Variants in NINJ2 observed in about 807,000 individuals in gnomAD.
NINJ2 encodes the protein ninjurin-2.
In NINJ2, 12 loss-of-function variants were observed where a neutral mutation model predicts 11.7. That is an observed-to-expected ratio of 1.02 (90% CI 0.66 to 1.66). NINJ2 has a LOEUF of 1.66. Ranked by LOEUF, NINJ2 falls within the 40% of genes most tolerant of loss-of-function variation. The pLI is 0.00. For missense variants in NINJ2, 187 were observed against 181.8 expected, an observed-to-expected ratio of 1.03 and a Z score of -0.16; for synonymous variants, 93 against 76.8, an observed-to-expected ratio of 1.21 and a Z score of -1.10.
chr12:631,318 T>G (rs1207446892), intron 1 of NINJ2, among the ~76,000 whole-genome samples: 2 of 152,182 alleles, frequency 1.3e-5, no homozygotes, highest in Non-Finnish European at 1.5e-5. Context: ...ATCTGCGAAT[T>G]TACTCACCTG....
At chr12:643,384 T>C in intron 1 of NINJ2, 1 of 942,494 alleles carries the variant, frequency 1.1e-6, no homozygotes, top group Non-Finnish European at 1.3e-6. Flanking sequence ...GAGGAAAGGG[T>C]CGCAGCTGCA....
intron 1 of NINJ2, among the ~76,000 whole-genome samples, chr12:658,660 GCTATGCTA>G (rs1937908506): frequency 3.7e-4 from 3 of 8,156 alleles, no homozygotes; most frequent in Non-Finnish European, 9.4e-4. Context: ...GCTATGCTAT[GCTATGCTA>G]TGCTATGCTA....
chr12:566,296 A>G (rs1947300932), intron 1 of NINJ2, 118 bp from the exon 2 acceptor site: 2 of 760,382 alleles, frequency 2.6e-6, no homozygotes, highest in Non-Finnish European at 4.3e-6. Flanking sequence ...AGCTCAGGGC[A>G]AATGACACCC....
intron 1 of NINJ2, among the ~76,000 whole-genome samples, chr12:662,571 T>C (rs1326774941): frequency 6.6e-6 from 1 of 152,208 alleles, no homozygotes; most frequent in East Asian, 1.9e-4. Context: ...TTCCACACTT[T>C]GTTTGATTCT....
At position 579,484 on chromosome 12, in the gene NINJ2, CAAAACAAAACA is replaced by C. The variant is rs374833298; in HGVS notation, c.34-13317_34-13307del. 9.2e-4 allele frequency among the ~76,000 whole-genome samples: 132 copies of C among 143,844 alleles called. 1 individual carries two copies. Among genetic ancestry groups the C allele is most frequent in the African/African-American group, 3.2e-3 (120 of 37,234 alleles). 94.4% of individuals were successfully genotyped at this position (143,844 alleles called of 152,430 possible). On this transcript the variant is annotated intron_variant, in intron 1 of 3. Transcript: ENST00000305108. ...AGTTAAGCTTGGACATGGAGTCACA[CAAAACAAAACA>C]AAAACAAAACAAAACAAACAAAACA...
intron 1 of NINJ2, among the ~76,000 whole-genome samples, chr12:606,140 G>C (rs994027216): frequency 6.6e-6 from 1 of 152,076 alleles, no homozygotes; most frequent in Non-Finnish European, 1.5e-5. Context: ...CCAAAGTGCT[G>C]GGATTACAGG....
intron 1 of NINJ2, chr12:643,805 G>A (rs575133407): frequency 2.3e-6 from 1 of 438,514 alleles, no homozygotes; most frequent in East Asian, 1.6e-4. Flanking sequence ...GCCACTTTTG[G>A]GGGGAATCTT....
chr12:565,963 C>T lies in NINJ2; in HGVS notation c.249G>A (p.Leu83=), dbSNP rs1947292905. 2 of 1,614,058 alleles carry T rather than the reference C, an allele frequency of 1.2e-6. No individual in the cohort carries two copies. The highest frequency in any genetic ancestry group is 1.3e-5 in the African/African-American group (1 of 74,928). ...TGGGCTCCTCACCAATGACCACGAG[C>T]AGGACACCGATGACCACCTGCAGGA... ...SLLLQVVIGV[L]LVVIARLNLN... The change falls in exon 2 of 4, where the codon CTG becomes CTA. Residue 83 remains leucine (L), a synonymous_variant. Coordinates refer to ENST00000305108, the MANE Select transcript of NINJ2 (RefSeq NM_016533.6).
chr12:588,094 G>C (rs1947665577), intron 1 of NINJ2, among the ~76,000 whole-genome samples: 1 of 151,628 alleles, frequency 6.6e-6, no homozygotes, highest in Non-Finnish European at 1.5e-5. Context: ...GTTTCCCCTT[G>C]AAAAAAATTC....
At chr12:648,977 CCTAT>C (rs71051367) in intron 1 of NINJ2, among the ~76,000 whole-genome samples, 911 of 27,922 alleles carry the variant, frequency 0.033, 31 homozygotes, top group East Asian at 0.32. Flanking sequence ...AAGTCATCCA[CCTAT>C]CTATCTATCT....
At chr12:651,051 A>G (rs987988572) in intron 1 of NINJ2, among the ~76,000 whole-genome samples, 3 of 152,186 alleles carry the variant, frequency 2.0e-5, no homozygotes, top group African/African-American at 7.2e-5. Context: ...GAGGCTCAGA[A>G]TGGACAAGTC....
chr12:572,335 G>A (rs1947390054), intron 1 of NINJ2, among the ~76,000 whole-genome samples: 1 of 152,196 alleles, frequency 6.6e-6, no homozygotes, highest in Non-Finnish European at 1.5e-5. Context: ...CTACACACTA[G>A]CAGGCCCAGA....
At chr12:662,033 T>A in intron 1 of NINJ2, among the ~76,000 whole-genome samples, 1 of 152,202 alleles carries the variant, frequency 6.6e-6, no homozygotes, top group East Asian at 1.9e-4. Context: ...TGAGCAGTGC[T>A]ATGAAAGAAA....
intron 1 of NINJ2, among the ~76,000 whole-genome samples, chr12:651,949 T>C (rs1190499529): frequency 6.6e-6 from 1 of 152,080 alleles, no homozygotes; most frequent in Non-Finnish European, 1.5e-5. Flanking sequence ...TCAAGAACTG[T>C]GGGACAACTA....
chr12:627,716 G>C (rs1948225223), intron 1 of NINJ2, among the ~76,000 whole-genome samples: 1 of 152,244 alleles, frequency 6.6e-6, no homozygotes, highest in Non-Finnish European at 1.5e-5. Flanking sequence ...TTTGGGCGCA[G>C]TGACAGGAGC....
chr12:646,322 G>A (rs1937683373), intron 1 of NINJ2, among the ~76,000 whole-genome samples: 1 of 152,162 alleles, frequency 6.6e-6, no homozygotes, highest in Non-Finnish European at 1.5e-5. Flanking sequence ...CCCCTTGAGG[G>A]CCTGAAAGCA....
intron 1 of NINJ2, among the ~76,000 whole-genome samples, chr12:617,451 G>A (rs1246050213): frequency 6.6e-6 from 1 of 152,180 alleles, no homozygotes; most frequent in African/African-American, 2.4e-5. Flanking sequence ...TCTGCCTCCA[G>A]ACCTGCCTCC....
At chr12:565,641 G>A (rs1383040198) in intron 2 of NINJ2, 1 of 611,028 alleles carries the variant, frequency 1.6e-6, no homozygotes, top group Non-Finnish European at 2.9e-6. Context: ...CTGTAAGCGT[G>A]GGGACGAGTG....
chr12:607,388 A>G (rs1048441553), intron 1 of NINJ2, among the ~76,000 whole-genome samples: 1 of 152,192 alleles, frequency 6.6e-6, no homozygotes, highest in African/African-American at 2.4e-5. Flanking sequence ...TGACGACTGG[A>G]GTAGAAATAC....
Sources: gnomAD v4.1 joint callset for allele counts (sites outside exome capture counted in the v4.1 genomes callset) on GRCh38, gnomAD v4.1.1 for gene constraint, MANE v1.5 for transcripts, NCBI Gene and HGNC (gene_info 2026-07-23, HGNC 2026-07-21) for gene names.